Variants in CUL1 observed in about 807,000 individuals in gnomAD.
CUL1 encodes the protein cullin-1.
In CUL1, 24 loss-of-function variants were observed where a neutral mutation model predicts 118.0. The ratio of observed to expected loss-of-function variants is 0.20; its 90% confidence interval spans 0.15 to 0.29. The LOEUF (loss-of-function observed/expected upper bound fraction) is 0.29, where lower values mean the gene tolerates loss of function less well. Ranked by LOEUF, CUL1 falls within the 10% of genes least tolerant of loss-of-function variation. The probability of loss-of-function intolerance (pLI) is 1.00; values close to 1 mark genes in which losing one functional copy is unlikely to be tolerated. For synonymous variants in CUL1, 332 were observed against 340.4 expected (o/e 0.98, Z 0.27); for missense variants, 361 against 933.8 (o/e 0.39, Z 7.99).
At chr7:148,760,522 T>C (rs779041434) in intron 7 of CUL1, 26 bp downstream of exon 7, 2 of 1,535,302 alleles carry the variant, frequency 1.3e-6, no homozygotes, top group Non-Finnish European at 8.9e-7. Flanking sequence ...GTACTTTAAG[T>C]AGACTTAAGT....
At chr7:148,760,239 A>T (rs1799790011) in intron 6 of CUL1, 94 bp from the exon 7 acceptor site, 1 of 1,028,542 alleles carries the variant, frequency 9.7e-7, no homozygotes, top group Non-Finnish European at 1.4e-6. Context: ...TACCTTTTAA[A>T]CATAACTTAA....
intron 1 of CUL1, among the ~76,000 whole-genome samples, 173 bp downstream of exon 1, chr7:148,699,202 G>T (rs986976799): frequency 1.3e-5 from 2 of 151,984 alleles, no homozygotes; most frequent in African/African-American, 4.8e-5. Flanking sequence ...CGGGCCGGGG[G>T]ACTCGTGGGC....
intron 1 of CUL1, among the ~76,000 whole-genome samples, chr7:148,708,514 C>T (rs984437594): frequency 3.9e-5 from 6 of 152,248 alleles, no homozygotes; most frequent in African/African-American, 1.4e-4. Context: ...CTGATTGCTG[C>T]TTCATTCAGG....
intron 1 of CUL1, among the ~76,000 whole-genome samples, chr7:148,713,181 A>C (rs1248540781): frequency 6.6e-6 from 1 of 152,236 alleles, no homozygotes; most frequent in Non-Finnish European, 1.5e-5. Context: ...AGTACTTGGA[A>C]ACAAAATACA....
At chr7:148,708,190 A>G (rs1301322840) in intron 1 of CUL1, among the ~76,000 whole-genome samples, 4 of 152,150 alleles carry the variant, frequency 2.6e-5, no homozygotes, top group African/African-American at 9.7e-5. Flanking sequence ...ATTCTCAGCA[A>G]CTTCAGCTGA....
chr7:148,785,275 A>G (rs1800777459), intron 11 of CUL1, among the ~76,000 whole-genome samples: 1 of 152,042 alleles, frequency 6.6e-6, no homozygotes, highest in Admixed American at 6.6e-5. Flanking sequence ...GCCTCTGATG[A>G]CTTGGTTTCA....
At chr7:148,720,578 G>C (rs1178699277) in intron 1 of CUL1, among the ~76,000 whole-genome samples, 3 of 152,106 alleles carry the variant, frequency 2.0e-5, no homozygotes, top group African/African-American at 7.2e-5. Flanking sequence ...AAATAGATAG[G>C]ATTAGATATT....
intron 1 of CUL1, among the ~76,000 whole-genome samples, chr7:148,722,342 ACTT>A (rs1300586337): frequency 1.3e-5 from 2 of 151,838 alleles, no homozygotes; most frequent in African/African-American, 4.8e-5. Flanking sequence ...CACTCCCCTC[ACTT>A]CTTTACCCAC....
In CUL1 at chr7:148,725,221, TCACA is replaced by T. The variant is rs1164701228; in HGVS notation, c.-161-4717_-161-4714del. Among the ~76,000 whole-genome samples the T allele has an allele frequency of 7.7e-3, 1,113 of 145,474 alleles. 5 individuals are homozygous for T. The highest frequency in any genetic ancestry group is 0.012 in the Non-Finnish European group (799 of 66,362). ...TGTACACACACACACACGCGCGCGC[TCACA>T]CACACACACACACACACACACACCC... On this transcript the variant is annotated intron_variant, in intron 1 of 21. Coordinates refer to ENST00000325222, the MANE Select transcript of CUL1 (RefSeq NM_003592.3).
intron 9 of CUL1, among the ~76,000 whole-genome samples, chr7:148,768,628 G>A (rs7806899): frequency 0.025 from 3,757 of 151,932 alleles, 159 homozygotes; most frequent in African/African-American, 0.086. Flanking sequence ...CAGGTGATTC[G>A]CCCGCCTTGG....
intron 2 of CUL1, among the ~76,000 whole-genome samples, chr7:148,745,268 T>G (rs913328090): frequency 1.3e-5 from 2 of 152,234 alleles, no homozygotes; most frequent in Admixed American, 1.3e-4. Flanking sequence ...TTCTATATCT[T>G]TTATTATAAC....
intron 20 of CUL1, 38 bp from the exon 21 acceptor site, chr7:148,799,237 C>A: frequency 1.3e-6 from 2 of 1,495,390 alleles, no homozygotes; most frequent in Non-Finnish European, 9.3e-7. Context: ...GTTGTTACAG[C>A]TCTAAATGCA....
chr7:148,722,528 G>C (rs2129459342), intron 1 of CUL1, among the ~76,000 whole-genome samples: 1 of 152,344 alleles, frequency 6.6e-6, no homozygotes, highest in African/African-American at 2.4e-5. Flanking sequence ...CCAGGCTGCA[G>C]GCAGGGGTCC....
intron 2 of CUL1, among the ~76,000 whole-genome samples, chr7:148,747,897 A>G (rs1799355070): frequency 1.3e-5 from 2 of 152,246 alleles, no homozygotes; most frequent in Non-Finnish European, 2.9e-5. Flanking sequence ...CTTTCAACCA[A>G]GGTATAGAAG....
At chr7:148,763,719 T>C (rs1261185668) in intron 7 of CUL1, among the ~76,000 whole-genome samples, 1 of 152,178 alleles carries the variant, frequency 6.6e-6, no homozygotes, top group Non-Finnish European at 1.5e-5. Context: ...AAACCTCCAG[T>C]GTATGCCTGG....
chr7:148,783,395 GACCT>G, intron 9 of CUL1: 1 of 985,460 alleles, frequency 1.0e-6, no homozygotes, highest in Non-Finnish European at 1.2e-6. Context: ...GCTGATGACC[GACCT>G]CGGCGGCTAA....
chr7:148,701,135 C>T (rs1797709596), intron 1 of CUL1, among the ~76,000 whole-genome samples: 2 of 151,868 alleles, frequency 1.3e-5, no homozygotes. Context: ...TGTGGTGGTG[C>T]CTCAGTTGCT....
chr7:148,731,732 TC>T (rs1345971036), intron 2 of CUL1, among the ~76,000 whole-genome samples: 1 of 152,206 alleles, frequency 6.6e-6, no homozygotes, highest in African/African-American at 2.4e-5. Context: ...ATTTACTTTG[TC>T]TCTATGAATT....
At chr7:148,726,536 TTGG>T (rs2129459495) in intron 1 of CUL1, among the ~76,000 whole-genome samples, 1 of 152,300 alleles carries the variant, frequency 6.6e-6, no homozygotes, top group African/African-American at 2.4e-5. Context: ...TAGGCAGTTG[TTGG>T]TGGTTTTTTC....
Sources: gnomAD v4.1 joint callset for allele counts (sites outside exome capture counted in the v4.1 genomes callset) on GRCh38, gnomAD v4.1.1 for gene constraint, MANE v1.5 for transcripts, NCBI Gene and HGNC (gene_info 2026-07-23, HGNC 2026-07-21) for gene names.